PAMR1: variants seen among roughly 807,000 people sequenced by gnomAD.
The protein encoded by PAMR1 is inactive serine protease PAMR1.
Under a neutral mutation model 81.8 loss-of-function variants are expected in PAMR1, and 88 were observed. The observed-to-expected ratio is 1.08, with a 90% CI of 0.91 to 1.28. The LOEUF is 1.28. Among genes scored for constraint, PAMR1 ranks in the 50% most tolerant of loss-of-function variants. PAMR1 has a pLI of 0.00. For missense variants in PAMR1, 935 were observed against 919.7 expected (o/e 1.02, Z -0.21); for synonymous variants, 336 against 345.3 (o/e 0.97, Z 0.30).
chr11:35,498,257 G>A (rs564506060), intron 1 of PAMR1, among the ~76,000 whole-genome samples: 1 of 152,246 alleles, frequency 6.6e-6, no homozygotes, highest in Non-Finnish European at 1.5e-5. Flanking sequence ...GTGAAAAGTC[G>A]AGGAGGGAGA....
intron 6 of PAMR1, among the ~76,000 whole-genome samples, chr11:35,449,289 T>A (rs1025368871): frequency 6.6e-6 from 1 of 150,568 alleles, no homozygotes; most frequent in East Asian, 1.9e-4. Flanking sequence ...AGAGGATCTG[T>A]CCCACTGGCC....
intron 1 of PAMR1, among the ~76,000 whole-genome samples, chr11:35,499,570 G>A (rs529596444): frequency 4.6e-5 from 7 of 152,188 alleles, no homozygotes; most frequent in Admixed American, 3.3e-4. Flanking sequence ...GTTCACCTCC[G>A]GCCTGTCACA....
chr11:35,479,241 T>C (rs1022518614), intron 3 of PAMR1, among the ~76,000 whole-genome samples: 1 of 152,176 alleles, frequency 6.6e-6, no homozygotes, highest in Non-Finnish European at 1.5e-5. Flanking sequence ...GCATTTTCTT[T>C]CCTCCTTCAA....
At chr11:35,528,754 G>T (rs1440606764), upstream of PAMR1, among the ~76,000 whole-genome samples, 3 of 152,140 alleles carry the variant, frequency 2.0e-5, no homozygotes, top group African/African-American at 7.2e-5. Flanking sequence ...ACTTCTCTAG[G>T]TTCAGGGGTC....
chr11:35,468,264 C>T (rs1446662651), intron 5 of PAMR1, among the ~76,000 whole-genome samples, 156 bp from the exon 6 acceptor site: 1 of 152,120 alleles, frequency 6.6e-6, no homozygotes, highest in Non-Finnish European at 1.5e-5. Flanking sequence ...TTTGAAAATG[C>T]CTAAAATAGA....
In PAMR1 at chr11:35,434,667, C is replaced by A; in HGVS notation, c.1471G>T (p.Gly491Cys). The stretch of plus-strand genomic sequence containing the variant: ...ACAGTGCGCTCATTCACCAGGGCAC[C>A]GCTGCAGACTAGGAACCACGCTCCC... ...HKGAWFLVCS[G>C]ALVNERTVVV... The change falls in exon 10 of 11, where the codon GGT becomes TGT. Residue 491 changes from glycine to cysteine, a missense_variant. Physicochemically the swap from Gly to Cys is radical, Grantham distance 159 (BLOSUM62 -3). Transcript: ENST00000619888. 2 of 1,614,118 alleles carry A rather than the reference C, an allele frequency of 1.2e-6. No homozygotes were observed. The highest frequency in any genetic ancestry group is 1.7e-6 in the Non-Finnish European group (2 of 1,180,028).
intron 6 of PAMR1, among the ~76,000 whole-genome samples, chr11:35,459,079 T>A (rs1241639863): frequency 6.6e-6 from 1 of 152,222 alleles, no homozygotes; most frequent in Admixed American, 6.5e-5. Context: ...TCTCTCTCTA[T>A]GTGAAATTAT....
Position 35,432,367 on chromosome 11 carries a change from T to G in PAMR1, c.2152A>C (p.Asn718His). The G allele has an allele frequency of 1.9e-6, 3 of 1,611,184 alleles. No individual in the cohort carries two copies. The highest frequency in any genetic ancestry group is 1.1e-5 in the South Asian group (1 of 91,070). The change falls in exon 11 of 11, where the codon AAT becomes CAT. Residue 718 changes from asparagine to histidine, a missense_variant. Transcript: ENST00000619888. ...TGCATGAGCATGGTTCATTTCATAT[T>G]TCTTTCAATCCAGTCTTTAAAAGGC... ...VLPFKDWIER[N>H]MK
chr11:35,503,436 T>TATTGCTTTGAGTATAA (rs1565356248), intron 1 of PAMR1, among the ~76,000 whole-genome samples: 1 of 151,858 alleles, frequency 6.6e-6, no homozygotes, highest in Admixed American at 6.5e-5. Context: ...CTTTGAGTAG[T>TATTGCTTTGAGTATAA]ATTGCTTTGA....
At chr11:35,434,966 C>T (rs919225263) in intron 9 of PAMR1, among the ~76,000 whole-genome samples, 162 bp from the exon 10 acceptor site, 3 of 152,170 alleles carry the variant, frequency 2.0e-5, no homozygotes, top group Non-Finnish European at 2.9e-5. Flanking sequence ...AAATATTAAT[C>T]AACCCACCCT....
rs146399533 is a variant in PAMR1 at position 35,434,679 on chromosome 11, G to A, written c.1459C>T (p.Leu487=). The A allele has an allele frequency of 7.7e-5, 125 of 1,614,180 alleles. No individual in the cohort carries two copies. The African/African-American group carries it at 1.4e-3, about 18-fold the overall frequency. ...DGSLHKGAWF[L]VCSGALVNER... is the part of the protein sequence containing the mutation. ...TTCACCAGGGCACCGCTGCAGACTA[G>A]GAACCACGCTCCCTTGTGTAGGCTG... Residue 487 remains leucine (L), a synonymous_variant, in exon 10 of 11, where the codon CTA becomes TTA. Coordinates refer to ENST00000619888, the MANE Select transcript of PAMR1 (RefSeq NM_001001991.3).
At chr11:35,493,091 C>T (rs1850660054) in intron 2 of PAMR1, among the ~76,000 whole-genome samples, 1 of 152,150 alleles carries the variant, frequency 6.6e-6, no homozygotes, top group Admixed American at 6.6e-5. Context: ...TCCTATCCCA[C>T]CCGATAGATC....
chr11:35,517,132 C>G (rs1018706273), intron 1 of PAMR1, among the ~76,000 whole-genome samples: 1 of 152,128 alleles, frequency 6.6e-6, no homozygotes, highest in Non-Finnish European at 1.5e-5. Flanking sequence ...ATCAGGCGTG[C>G]TAACAAATGA....
At chr11:35,473,489 C>A (rs1850227196) in intron 4 of PAMR1, among the ~76,000 whole-genome samples, 1 of 152,196 alleles carries the variant, frequency 6.6e-6, no homozygotes, top group Non-Finnish European at 1.5e-5. Flanking sequence ...GCAGACCCAG[C>A]CTTGAGCTCA....
chr11:35,520,240 T>TG (rs1457019068), intron 1 of PAMR1, among the ~76,000 whole-genome samples: 8 of 152,160 alleles, frequency 5.3e-5, no homozygotes, highest in Admixed American at 3.9e-4. Flanking sequence ...TCAACCCACG[T>TG]GGGCCCTGAG....
chr11:35,476,449 G>A (rs1383884636), intron 3 of PAMR1, among the ~76,000 whole-genome samples: 1 of 152,092 alleles, frequency 6.6e-6, no homozygotes, highest in Non-Finnish European at 1.5e-5. Context: ...TTTTATAAGG[G>A]GTTTTCCACC....
At chr11:35,483,649 C>A (rs686971) in intron 3 of PAMR1, among the ~76,000 whole-genome samples, 115,628 of 151,944 alleles carry the variant, frequency 0.76, 44,320 homozygotes, top group African/African-American at 0.78. Context: ...AGAATTCACC[C>A]CTCTGGAGTT....
At chr11:35,483,923 G>GC (rs1484693875) in intron 3 of PAMR1, among the ~76,000 whole-genome samples, 6 of 152,170 alleles carry the variant, frequency 3.9e-5, no homozygotes, top group Non-Finnish European at 7.3e-5. Flanking sequence ...GTCTGGTGAA[G>GC]ACTACCTCCT....
rs1855943021 is a variant in PAMR1, at chr11:35,432,805, T to C, written c.1714A>G (p.Ile572Val). Reference sequence around the variant, plus strand: ...CAGATGGGCTGGACTCGGGTGCTGATACGGGCCTTGTCTAGGAGCTTCAGG... The same window carrying C: ...CAGATGGGCTGGACTCGGGTGCTGACACGGGCCTTGTCTAGGAGCTTCAGG... ...AILKLLDKAR[I>V]STRVQPICLA... The change falls in exon 11 of 11, where the codon ATC (isoleucine) becomes GTC (valine). Residue 572 changes from isoleucine (I) to valine (V), a missense_variant. By Grantham distance (29) the Ile-to-Val change is conservative (BLOSUM62 3). Transcript: ENST00000619888. 1.9e-6 allele frequency: 3 copies of C among 1,608,292 alleles called. No individual in the cohort carries two copies. Among genetic ancestry groups the C allele is most frequent in the African/African-American group, 1.3e-5 (1 of 75,048 alleles).
Sources: gnomAD v4.1 joint callset for allele counts (sites outside exome capture counted in the v4.1 genomes callset) on GRCh38, gnomAD v4.1.1 for gene constraint, MANE v1.5 for transcripts, NCBI Gene and HGNC (gene_info 2026-07-23, HGNC 2026-07-21) for gene names.